The following CNTNAP2 variants were observed in gnomAD, a reference collection of about 807,000 sequenced individuals.
CNTNAP2 encodes contactin-associated protein-like 2.
In CNTNAP2, 98 loss-of-function variants were observed where a neutral mutation model predicts 155.2. The observed-to-expected ratio is 0.63, with a 90% CI of 0.54 to 0.75. The LOEUF (loss-of-function observed/expected upper bound fraction) is 0.75. Among genes scored for constraint, CNTNAP2 ranks in the 30% least tolerant of loss-of-function variants. CNTNAP2 has a pLI of 0.00. For synonymous variants in CNTNAP2, 651 were observed against 631.2 expected, an observed-to-expected ratio of 1.03 and a Z score of -0.47; for missense variants, 1,727 against 1,688.1, an observed-to-expected ratio of 1.02 and a Z score of -0.40.
At chr7:147,049,279 T>C (rs1373005189) in intron 4 of CNTNAP2, among the ~76,000 whole-genome samples, 2 of 152,232 alleles carry the variant, frequency 1.3e-5, no homozygotes, top group East Asian at 1.9e-4. Flanking sequence ...TTTTGAAGAA[T>C]GAAAATTACA....
At chr7:148,367,768 TG>T (rs1310434747) in intron 21 of CNTNAP2, among the ~76,000 whole-genome samples, 2 of 152,174 alleles carry the variant, frequency 1.3e-5, no homozygotes, top group Non-Finnish European at 2.9e-5. Context: ...TCATCTGTTC[TG>T]AAACAAAGTA....
intron 1 of CNTNAP2, among the ~76,000 whole-genome samples, chr7:146,538,612 G>C (rs548751127): frequency 5.3e-5 from 8 of 152,046 alleles, no homozygotes; most frequent in Middle Eastern, 6.8e-3. Context: ...TCCTACGGGA[G>C]GTCTCTCAGG....
At chr7:146,159,844 T>C (rs984543782) in intron 1 of CNTNAP2, among the ~76,000 whole-genome samples, 4 of 152,062 alleles carry the variant, frequency 2.6e-5, no homozygotes, top group Non-Finnish European at 5.9e-5. Flanking sequence ...GACAGAAAGT[T>C]AACAAGGATA....
At chr7:146,665,729 C>T (rs932413614) in intron 1 of CNTNAP2, among the ~76,000 whole-genome samples, 3 of 131,812 alleles carry the variant, frequency 2.3e-5, no homozygotes, top group African/African-American at 5.6e-5. Context: ...GGCAGTGAGC[C>T]GAGACTGTGC....
intron 13 of CNTNAP2, among the ~76,000 whole-genome samples, chr7:147,727,375 G>A (rs1796663045): frequency 6.6e-6 from 1 of 151,968 alleles, no homozygotes; most frequent in Non-Finnish European, 1.5e-5. Context: ...CTCTACGTAA[G>A]ACTAACCTCA....
At chr7:148,193,014 C>A (rs2116719955) in intron 18 of CNTNAP2, among the ~76,000 whole-genome samples, 1 of 152,160 alleles carries the variant, frequency 6.6e-6, no homozygotes, top group East Asian at 1.9e-4. Context: ...CTTATTTGTT[C>A]TCTTTTTAAA....
At chr7:146,236,607 T>C (rs1454849810) in intron 1 of CNTNAP2, among the ~76,000 whole-genome samples, 1 of 152,186 alleles carries the variant, frequency 6.6e-6, no homozygotes, top group Non-Finnish European at 1.5e-5. Context: ...TGACTTCTGA[T>C]GTAAAGGTTT....
At chr7:146,321,155 C>G (rs907252589) in intron 1 of CNTNAP2, among the ~76,000 whole-genome samples, 5 of 151,854 alleles carry the variant, frequency 3.3e-5, no homozygotes, top group African/African-American at 1.2e-4. Context: ...ATTAGGAAAA[C>G]AGTGGGGTAA....
intron 2 of CNTNAP2, among the ~76,000 whole-genome samples, chr7:146,796,887 A>G (rs1036714828): frequency 6.6e-5 from 10 of 152,132 alleles, no homozygotes; most frequent in Non-Finnish European, 1.5e-4. Context: ...CTGTAATCTC[A>G]GCACTTTGGG....
intron 8 of CNTNAP2, among the ~76,000 whole-genome samples, chr7:147,166,614 G>A (rs1053580452): frequency 2.6e-5 from 4 of 152,146 alleles, no homozygotes; most frequent in East Asian, 1.9e-4. Flanking sequence ...CAATAAAGCT[G>A]TTTATTTCAC....
intron 20 of CNTNAP2, among the ~76,000 whole-genome samples, chr7:148,237,382 TTG>T (rs1425773676): frequency 6.6e-6 from 1 of 152,154 alleles, no homozygotes; most frequent in Non-Finnish European, 1.5e-5. Context: ...CTATAAGGCT[TTG>T]AAGGAAGGAT....
chr7:146,736,247 T>G (rs1585066114), intron 1 of CNTNAP2, among the ~76,000 whole-genome samples: 1 of 152,254 alleles, frequency 6.6e-6, no homozygotes, highest in South Asian at 2.1e-4. Flanking sequence ...AGCAGGGTCC[T>G]GGAACTAATC....
At chr7:147,722,891 A>T (rs769499007) in intron 13 of CNTNAP2, among the ~76,000 whole-genome samples, 16 of 152,102 alleles carry the variant, frequency 1.1e-4, no homozygotes, top group Non-Finnish European at 1.6e-4. Context: ...CTGCAAGTCT[A>T]AAATTCTGGT....
intron 16 of CNTNAP2, among the ~76,000 whole-genome samples, chr7:148,137,705 G>T (rs1585146335): frequency 6.6e-6 from 1 of 150,476 alleles, no homozygotes; most frequent in Non-Finnish European, 1.5e-5. Flanking sequence ...AGGAAGGAAG[G>T]AAGGAAGGAA....
At chr7:147,452,931 TGGGA>T (rs1797858126) in intron 10 of CNTNAP2, among the ~76,000 whole-genome samples, 1 of 116,768 alleles carries the variant, frequency 8.6e-6, no homozygotes, top group Non-Finnish European at 1.7e-5. Context: ...AAAAATAGAA[TGGGA>T]GGGAGGGAGA....
intron 13 of CNTNAP2, among the ~76,000 whole-genome samples, chr7:147,849,303 A>G (rs1010816904): frequency 7.2e-5 from 11 of 152,238 alleles, no homozygotes; most frequent in African/African-American, 2.4e-4. Context: ...ATATACCAAC[A>G]GATTGAGTAT....
At chr7:148,364,190 T>C (rs1798685297) in intron 21 of CNTNAP2, among the ~76,000 whole-genome samples, 1 of 152,232 alleles carries the variant, frequency 6.6e-6, no homozygotes, top group African/African-American at 2.4e-5. Flanking sequence ...GGCTGAGGAA[T>C]GTGAGCGCAC....
chr7:147,156,177 G>C (rs2116443380), intron 8 of CNTNAP2, among the ~76,000 whole-genome samples: 1 of 152,220 alleles, frequency 6.6e-6, no homozygotes, highest in Admixed American at 6.5e-5. Flanking sequence ...CAAAATATAA[G>C]AGAAGTGATG....
At chr7:146,791,642 G>T (rs2129189148) in intron 2 of CNTNAP2, among the ~76,000 whole-genome samples, 1 of 152,258 alleles carries the variant, frequency 6.6e-6, no homozygotes, top group African/African-American at 2.4e-5. Context: ...TCATGTATTT[G>T]TGAGCTCTTT....
Sources: gnomAD v4.1 joint callset for allele counts (sites outside exome capture counted in the v4.1 genomes callset) on GRCh38, gnomAD v4.1.1 for gene constraint, MANE v1.5 for transcripts, NCBI Gene and HGNC (gene_info 2026-07-23, HGNC 2026-07-21) for gene names.